Variants in SYK observed in about 807,000 individuals in gnomAD.
SYK encodes spleen associated tyrosine kinase, also known as tyrosine-protein kinase SYK.
In SYK, 16 loss-of-function variants were observed where a neutral mutation model predicts 77.8. The observed-to-expected ratio is 0.21, with a 90% CI of 0.14 to 0.31. The LOEUF (loss-of-function observed/expected upper bound fraction) is 0.31, where lower values mean the gene tolerates loss of function less well. Among genes scored for constraint, SYK ranks in the 10% least tolerant of loss-of-function variants. The pLI is 1.00. For missense variants in SYK, 529 were observed against 814.4 expected, an observed-to-expected ratio of 0.65 and a Z score of 4.26; for synonymous variants, 312 against 308.7, an observed-to-expected ratio of 1.01 and a Z score of -0.11.
intron 1 of SYK, among the ~76,000 whole-genome samples, chr9:90,841,559 AGTGT>A (rs1385887706): frequency 2.8e-5 from 2 of 70,276 alleles, no homozygotes; most frequent in South Asian, 1.2e-3. Flanking sequence ...TGTGTGGTGT[AGTGT>A]GTGTGATGTG....
rs1564120715 is a variant in SYK, at chr9:90,884,364, TACATAC to T, written c.1582-3381_1582-3376del. 1.0e-3 allele frequency among the ~76,000 whole-genome samples: 152 copies of T among 148,444 alleles called. 12 individuals carry two copies. In the Middle Eastern group the frequency reaches 0.011, roughly 10 times the overall value. On this transcript the variant is annotated intron_variant, in intron 11 of 13. Transcript: ENST00000375754. ...ACACACATACACATACGTGTATACA[TACATAC>T]ACACATACGTGTATATATGCATACA... is the stretch of plus-strand genomic sequence containing the variant.
rs142980255 is a variant in SYK, at chr9:90,844,312, G to T, written c.414G>T (p.Leu138=). The T allele has an allele frequency of 1.9e-6, 3 of 1,600,998 alleles. No individual in the cohort carries two copies. Among genetic ancestry groups the T allele is most frequent in the East Asian group, 4.5e-5 (2 of 44,756 alleles). ...IREYVKQTWN[L]QGQALEQAII... The stretch of plus-strand genomic sequence containing the variant: ...AATATGTGAAGCAGACATGGAACCT[G>T]CAGGTGGGCCACAGCTGGTCCTGCT... The change falls in exon 2 of 14, where the codon CTG becomes CTT. Residue 138 remains leucine, a synonymous_variant. Transcript: ENST00000375754.
At chr9:90,836,340 A>G (rs1826085555) in intron 1 of SYK, among the ~76,000 whole-genome samples, 1 of 152,188 alleles carries the variant, frequency 6.6e-6, no homozygotes, top group Admixed American at 6.5e-5. Context: ...AATGCACAAA[A>G]TATATGTAGT....
At chr9:90,816,243 C>T (rs1023428341) in intron 1 of SYK, among the ~76,000 whole-genome samples, 2 of 152,282 alleles carry the variant, frequency 1.3e-5, no homozygotes, top group Non-Finnish European at 2.9e-5. Flanking sequence ...AGATGTGTCC[C>T]AAGCAATCTG....
intron 6 of SYK, among the ~76,000 whole-genome samples, chr9:90,865,382 A>G (rs942061676): frequency 2.6e-5 from 4 of 151,480 alleles, no homozygotes; most frequent in Non-Finnish European, 5.9e-5. Context: ...ATCACGGCTC[A>G]CTGCAACCTC....
At position 90,828,238 on chromosome 9, in the gene SYK, C is replaced by G. The variant is rs1323107656; in HGVS notation, c.-41-15620C>G. On this transcript the variant is annotated intron_variant, in intron 1 of 13. Coordinates refer to ENST00000375754, the MANE Select transcript of SYK (RefSeq NM_003177.7). ...AGTCTGCTGTGGCCTCACCCCCGCCCCCCCCCCCGCCCCGCCCAGGCCTTC... is the reference window on the plus strand; with the variant it reads ...AGTCTGCTGTGGCCTCACCCCCGCCGCCCCCCCCGCCCCGCCCAGGCCTTC... Among the ~76,000 whole-genome samples, 246 of 91,306 alleles carry G rather than the reference C, an allele frequency of 2.7e-3. 8 individuals are homozygous for G. Among genetic ancestry groups the G allele is most frequent in the African/African-American group, 8.8e-3 (236 of 26,716 alleles). The allele number at this position is 91,306 out of a possible 152,430, so 59.9% of individuals were successfully genotyped here. A position where few individuals can be genotyped will look rare whatever the true frequency, so the allele number is the denominator to read the frequency against.
At chr9:90,820,382 G>A (rs374812259) in intron 1 of SYK, among the ~76,000 whole-genome samples, 3 of 152,222 alleles carry the variant, frequency 2.0e-5, no homozygotes, top group African/African-American at 7.2e-5. Flanking sequence ...CCCCTGCAGC[G>A]AACTTTTGCC....
At chr9:90,833,785 T>C (rs290212) in intron 1 of SYK, among the ~76,000 whole-genome samples, 59,308 of 152,126 alleles carry the variant, frequency 0.39, 14,539 homozygotes, top group African/African-American at 0.7. Context: ...TATAGTCAGC[T>C]TTAGTCCTGG....
intron 1 of SYK, among the ~76,000 whole-genome samples, chr9:90,837,568 G>A (rs1826129750): frequency 6.6e-6 from 1 of 152,004 alleles, no homozygotes; most frequent in Non-Finnish European, 1.5e-5. Flanking sequence ...TGCAGGTCTC[G>A]GGCCTGGTCA....
chr9:90,803,194 T>A (rs373275923), intron 1 of SYK, among the ~76,000 whole-genome samples: 1 of 152,214 alleles, frequency 6.6e-6, no homozygotes, highest in Admixed American at 6.5e-5. Context: ...TTTAGAAAAC[T>A]CTTGCATTAA....
chr9:90,804,499 T>C (rs1277404464), intron 1 of SYK, among the ~76,000 whole-genome samples: 2 of 152,224 alleles, frequency 1.3e-5, no homozygotes, highest in African/African-American at 4.8e-5. Context: ...TAGATTTTTT[T>C]CCAGCTACCC....
chr9:90,870,264 C>T (rs1270685240), intron 7 of SYK, among the ~76,000 whole-genome samples: 1 of 152,208 alleles, frequency 6.6e-6, no homozygotes, highest in Non-Finnish European at 1.5e-5. Flanking sequence ...AGAACCTTAT[C>T]CTTCTTTTAT....
rs766141713 is a variant in SYK, at chr9:90,880,676, A to G, written c.1581+1723A>G. 5.3e-5 allele frequency among the ~76,000 whole-genome samples: 8 copies of G among 152,280 alleles called. 1 individual carries two copies. In the Middle Eastern group the frequency reaches 0.014, roughly 259 times the overall value. On this transcript the variant is annotated intron_variant, in intron 11 of 13. Transcript: ENST00000375754. Reference sequence around the variant, plus strand: ...CACTGCTGTATAACAAATCACCCCAAACTTACTGCCAAAAACACCACCAGG... The same window carrying G: ...CACTGCTGTATAACAAATCACCCCAGACTTACTGCCAAAAACACCACCAGG...
At chr9:90,824,559 G>C in intron 1 of SYK, among the ~76,000 whole-genome samples, 1 of 152,038 alleles carries the variant, frequency 6.6e-6, no homozygotes. Flanking sequence ...TGCAAAACAG[G>C]TTCAACATTT....
Position 90,862,226 on chromosome 9 carries a change from A to G in SYK, c.599A>G (p.Asn200Ser), listed in dbSNP as rs1827296064. ...TCTAGGATCCGAGCCAGAGACAACA[A>G]CGGCTCCTACGCCCTGTGCCTGCTG... ...GKFLIRARDN[N>S]GSYALCLLHE... Residue 200 changes from asparagine to serine, a missense_variant, in exon 4 of 14, where the codon AAC becomes AGC. Asn to Ser is a conservative substitution (Grantham distance 46). Around this residue, in one of 2 missense-constraint regions of SYK, gnomAD observed 321 missense variants for 433.1 expected, o/e 0.74. Coordinates refer to ENST00000375754, the MANE Select transcript of SYK (RefSeq NM_003177.7). 6.2e-7 allele frequency: 1 copy of G among 1,613,108 alleles called. No individual in the cohort carries two copies. The highest frequency in any genetic ancestry group is 8.5e-7 in the Non-Finnish European group (1 of 1,179,364).
At chr9:90,848,217 G>C (rs542276660) in intron 3 of SYK, among the ~76,000 whole-genome samples, 1 of 152,148 alleles carries the variant, frequency 6.6e-6, no homozygotes, top group South Asian at 2.1e-4. Context: ...TTGCCTAGAC[G>C]TTGGTCCAGA....
rs201765057 is a variant in SYK at position 90,887,888 on chromosome 9, G to A, written c.1721G>A (p.Arg574Gln). The A allele has an allele frequency of 5.6e-6, 9 of 1,600,380 alleles. No homozygotes were observed. The highest frequency in any genetic ancestry group is 1.7e-5 in the Admixed American group (1 of 58,914). ...EAFSYGQKPY[R>Q]GMKGSEVTAM... ...TTCTCCTATGGGCAGAAGCCATATC[G>A]AGTGAGCCAGTCCTGCTTCATTTTC... Residue 574 changes from arginine to glutamine, a missense_variant and splice_region_variant, in exon 12 of 14, where the codon CGA (arginine) becomes CAA (glutamine). Arg to Gln is a conservative substitution (Grantham distance 43, BLOSUM62 1). Coordinates refer to ENST00000375754, the MANE Select transcript of SYK (RefSeq NM_003177.7).
chr9:90,824,573 A>G (rs1335041080), intron 1 of SYK, among the ~76,000 whole-genome samples: 2 of 152,204 alleles, frequency 1.3e-5, no homozygotes, highest in Non-Finnish European at 2.9e-5. Flanking sequence ...AACATTTGAA[A>G]ATAAATTAAT....
chr9:90,825,064 T>C (rs4744507), intron 1 of SYK, among the ~76,000 whole-genome samples: 5 of 151,290 alleles, frequency 3.3e-5, no homozygotes, highest in African/African-American at 1.2e-4. Flanking sequence ...TACCAGTAGT[T>C]AACTATTGAA....
Sources: gnomAD v4.1 joint callset for allele counts (sites outside exome capture counted in the v4.1 genomes callset) on GRCh38, gnomAD v4.1.1 for gene constraint, gnomAD v4.1.1 regional missense constraint, MANE v1.5 for transcripts, NCBI Gene and HGNC (gene_info 2026-07-23, HGNC 2026-07-21) for gene names.